The following LRGUK variants were observed in gnomAD, a reference collection of about 807,000 sequenced individuals.
LRGUK encodes leucine rich repeats and guanylate kinase domain containing.
A neutral mutation model predicts 76.0 loss-of-function variants in LRGUK; 65 were observed. That is an observed-to-expected ratio of 0.85 (90% CI 0.70 to 1.05). LRGUK has a LOEUF of 1.05. Ranked by LOEUF, LRGUK falls within the 50% of genes least tolerant of loss-of-function variation. The pLI, the probability that LRGUK is intolerant of heterozygous loss-of-function variation, is 0.00. For missense variants in LRGUK, 758 were observed against 732.8 expected, an observed-to-expected ratio of 1.03 and a Z score of -0.40; for synonymous variants, 268 against 265.6, an observed-to-expected ratio of 1.01 and a Z score of -0.09.
intron 16 of LRGUK, among the ~76,000 whole-genome samples, chr7:134,240,544 G>A (rs939154111): frequency 6.6e-6 from 1 of 152,186 alleles, no homozygotes; most frequent in Admixed American, 6.5e-5. Flanking sequence ...CAAAAAATAT[G>A]GGACTATGTG....
At chr7:134,265,962 C>T (rs745453627), downstream of LRGUK, among the ~76,000 whole-genome samples, 25 of 152,306 alleles carry the variant, frequency 1.6e-4, 1 homozygote, top group South Asian at 3.3e-3. Context: ...TCTCCCCCTC[C>T]CAGTGAGGGT....
chr7:134,159,972 A>G (rs17167533), intron 6 of LRGUK, among the ~76,000 whole-genome samples: 19,758 of 152,272 alleles, frequency 0.13, 1,626 homozygotes, highest in East Asian at 0.32. Context: ...AAATGCATTC[A>G]ATAAATTAGA....
chr7:134,272,161 CTTTGGAAAAAGAAG>C, the LRGUK span, among the ~76,000 whole-genome samples: 1 of 152,020 alleles, frequency 6.6e-6, no homozygotes, highest in Non-Finnish European at 1.5e-5. Context: ...AGATAAACTT[CTTTGGAAAAAGAAG>C]TTTCATTTTC....
rs1799996280 is a variant in LRGUK at position 134,186,790 on chromosome 7, T to C, written c.1334+2937T>C. On this transcript the variant is annotated intron_variant, in intron 11 of 15. Transcript: ENST00000645682. ...CTCAGACCTTAGATAATCAGTGCTATGTGAAATTTAGGTGGAGGCACAAGA... is the reference window on the plus strand; with the variant it reads ...CTCAGACCTTAGATAATCAGTGCTACGTGAAATTTAGGTGGAGGCACAAGA... 1.3e-5 allele frequency among the ~76,000 whole-genome samples: 2 copies of C among 152,208 alleles called. 1 individual carries two copies. The highest frequency in any genetic ancestry group is 4.1e-4 in the South Asian group (2 of 4,832).
At chr7:134,142,038 T>A (rs979563905) in intron 3 of LRGUK, among the ~76,000 whole-genome samples, 5 of 152,146 alleles carry the variant, frequency 3.3e-5, no homozygotes, top group Admixed American at 2.6e-4. Flanking sequence ...GGGCCCCAAC[T>A]ACTCCAGGCT....
At chr7:134,218,154 G>T (rs941820054) in intron 15 of LRGUK, among the ~76,000 whole-genome samples, 1 of 152,128 alleles carries the variant, frequency 6.6e-6, no homozygotes, top group Non-Finnish European at 1.5e-5. Flanking sequence ...TAGAGATGGG[G>T]TTTTGCCAAT....
In LRGUK at chr7:134,150,440, G is replaced by A. The variant is rs574943579; in HGVS notation, c.670+2121G>A. ...TTGCACCACTGCATTCTAGCCTGGC[G>A]ACAGAGCGAGACTTCGTCTCAAAAC... On this transcript the variant is annotated intron_variant, in intron 5 of 15. Transcript: ENST00000645682. Among the ~76,000 whole-genome samples, 11 of 141,486 alleles carry A rather than the reference G, an allele frequency of 7.8e-5. 1 individual carries two copies. In the South Asian group the frequency reaches 1.6e-3, roughly 20 times the overall value. The allele number at this position is 141,486 out of a possible 152,430, so 92.8% of individuals were successfully genotyped here.
chr7:134,146,406 A>G (rs1585432601), intron 4 of LRGUK, among the ~76,000 whole-genome samples: 3 of 152,370 alleles, frequency 2.0e-5, no homozygotes, highest in South Asian at 4.1e-4. Context: ...AGTGTCAATA[A>G]TAAGTAAGCC....
intron 15 of LRGUK, among the ~76,000 whole-genome samples, chr7:134,202,522 A>G (rs550408797): frequency 2.1e-3 from 316 of 152,316 alleles, no homozygotes; most frequent in Non-Finnish European, 3.2e-3. Context: ...CAGGATCTCA[A>G]AAAGAGAGCT....
At chr7:134,182,776 T>A in intron 10 of LRGUK, among the ~76,000 whole-genome samples, 1 of 152,070 alleles carries the variant, frequency 6.6e-6, no homozygotes, top group Non-Finnish European at 1.5e-5. Flanking sequence ...GATGATGATT[T>A]TTTTGAGACA....
chr7:134,127,798 C>T (rs1383221719), intron 1 of LRGUK, 134 bp downstream of exon 1: 1 of 934,002 alleles, frequency 1.1e-6, no homozygotes, highest in Non-Finnish European at 1.6e-6. Context: ...TCCAGGAACG[C>T]CTCTTCCCCC....
At position 134,158,082 on chromosome 7, in the gene LRGUK, AT is replaced by A. The variant is rs1444144060; in HGVS notation, c.720del (p.His241ThrfsTer15). The A allele has an allele frequency of 1.9e-6, 3 of 1,613,074 alleles. No individual in the cohort carries two copies. Among genetic ancestry groups the A allele is most frequent in the Non-Finnish European group, 1.7e-6 (2 of 1,179,354 alleles). On this transcript the variant is annotated frameshift_variant, in exon 6 of 16. Transcript: ENST00000645682. LOFTEE classifies it high-confidence loss of function. ...TGGACTAGAGATGTGCAACAACCTA[AT>A]TCACCTTAGTTTGGCCAACAATAAG...
chr7:134,137,867 G>A (rs937929866), intron 2 of LRGUK, among the ~76,000 whole-genome samples: 2 of 149,952 alleles, frequency 1.3e-5, no homozygotes, highest in Admixed American at 6.7e-5. Context: ...AAAAAAAAAC[G>A]CACATTGAAA....
intron 10 of LRGUK, among the ~76,000 whole-genome samples, chr7:134,181,295 C>A (rs1051238325): frequency 1.3e-5 from 2 of 151,964 alleles, no homozygotes; most frequent in Non-Finnish European, 2.9e-5. Flanking sequence ...TGATCCACAC[C>A]TTTTTCCTTG....
chr7:134,276,272 C>T, the LRGUK span, among the ~76,000 whole-genome samples: 4 of 152,210 alleles, frequency 2.6e-5, no homozygotes, highest in African/African-American at 7.2e-5. Context: ...CCACCAAAGG[C>T]GTGATTTGAC....
At chr7:134,210,734 C>G (rs1403389194), downstream of LRGUK, among the ~76,000 whole-genome samples, 1 of 152,196 alleles carries the variant, frequency 6.6e-6, no homozygotes, top group Non-Finnish European at 1.5e-5. Flanking sequence ...AACCCAGCAG[C>G]CTGTCAAAGA....
chr7:134,132,107 G>A (rs1240191224), intron 1 of LRGUK, among the ~76,000 whole-genome samples: 2 of 152,190 alleles, frequency 1.3e-5, no homozygotes, highest in Non-Finnish European at 2.9e-5. Context: ...TGACACTTTG[G>A]GAGCCAGAGA....
At chr7:134,165,504 A>G (rs1798940663) in intron 7 of LRGUK, among the ~76,000 whole-genome samples, 1 of 152,214 alleles carries the variant, frequency 6.6e-6, no homozygotes, top group Non-Finnish European at 1.5e-5. Flanking sequence ...TGAGCCACAG[A>G]TGTCATGTAA....
intron 4 of LRGUK, among the ~76,000 whole-genome samples, chr7:134,143,426 C>G (rs1797850039): frequency 6.6e-6 from 1 of 152,134 alleles, no homozygotes. Context: ...TCCTCTTTCC[C>G]TCATTTGAAT....
Sources: allele counts gnomAD v4.1 joint callset (sites outside exome capture counted in the v4.1 genomes callset), GRCh38; gene constraint gnomAD v4.1.1; transcripts MANE v1.5; gene names NCBI Gene and HGNC (gene_info 2026-07-23, HGNC 2026-07-21).